The following LAMA2 variants were observed in gnomAD, a reference collection of about 807,000 sequenced individuals.
The protein encoded by LAMA2 is laminin subunit alpha 2, also known as laminin subunit alpha-2.
In LAMA2, 269 loss-of-function variants were observed where a neutral mutation model predicts 364.8. The observed-to-expected ratio is 0.74, with a 90% CI of 0.67 to 0.82. The LOEUF is 0.82. Ranked by LOEUF, LAMA2 falls within the 40% of genes least tolerant of loss-of-function variation. LAMA2 has a pLI of 0.00. For missense variants in LAMA2, 3,807 were observed against 3,873.2 expected (o/e 0.98, Z 0.45); for synonymous variants, 1,379 against 1,370.6 (o/e 1.01, Z -0.14).
At chr6:129,456,135 T>A (rs1292060201) in intron 47 of LAMA2, among the ~76,000 whole-genome samples, 200 bp from the exon 48 acceptor site, 1 of 152,142 alleles carries the variant, frequency 6.6e-6, no homozygotes, top group African/African-American at 2.4e-5. Context: ...ATGTAAGTGT[T>A]GAGCCAAGAT....
intron 12 of LAMA2, among the ~76,000 whole-genome samples, chr6:129,230,745 C>A (rs1784626298): frequency 6.6e-6 from 1 of 151,988 alleles, no homozygotes; most frequent in Non-Finnish European, 1.5e-5. Context: ...TCAGCAGTTG[C>A]AGGTACAGAG....
At position 128,892,990 on chromosome 6, in the gene LAMA2, G is replaced by A. The variant is rs192702103; in HGVS notation, c.112+9633G>A. On this transcript the variant is annotated intron_variant, in intron 1 of 64. Coordinates refer to ENST00000421865, the MANE Select transcript of LAMA2 (RefSeq NM_000426.4). ...CAGACAAAACACTTCTTAAAGGCCC[G>A]TTTACCATCAAAAAGTTTCAATCTT... Among the ~76,000 whole-genome samples, 23 of 151,906 alleles carry A rather than the reference G, an allele frequency of 1.5e-4. No individual in the cohort carries two copies. The East Asian group carries it at 2.1e-3, about 14-fold the overall frequency.
chr6:129,215,990 G>A (rs970043091), intron 12 of LAMA2, among the ~76,000 whole-genome samples: 2 of 152,122 alleles, frequency 1.3e-5, no homozygotes, highest in African/African-American at 4.8e-5. Flanking sequence ...ACAAATTTCT[G>A]TGTACTGATC....
At chr6:129,081,618 A>G (rs1015151984) in intron 3 of LAMA2, among the ~76,000 whole-genome samples, 3 of 152,200 alleles carry the variant, frequency 2.0e-5, no homozygotes, top group Non-Finnish European at 4.4e-5. Flanking sequence ...GAGAAAGATT[A>G]TCATTGGTCC....
Position 129,192,824 on chromosome 6 carries a change from A to C in LAMA2, c.1753A>C (p.Ser585Arg). ...RQALPHSYYWSAPAPYLGNKL... is the reference protein window; with the variant it reads ...RQALPHSYYWRAPAPYLGNKL... ...AGCCCTGCCGCACAGCTACTACTGG[A>C]GCGCGCCGGCTCCCTATCTGGGAAA... The change falls in exon 12 of 65, where the codon AGC (serine) becomes CGC (arginine). Residue 585 changes from serine to arginine, a missense_variant. By Grantham distance (110) the Ser-to-Arg change is moderately radical. Transcript: ENST00000421865. 2 of 1,614,088 alleles carry C rather than the reference A, an allele frequency of 1.2e-6. No homozygotes were observed. The highest frequency in any genetic ancestry group is 1.7e-6 in the Non-Finnish European group (2 of 1,179,980).
chr6:129,212,461 A>G (rs1159021014), intron 12 of LAMA2, among the ~76,000 whole-genome samples: 1 of 152,068 alleles, frequency 6.6e-6, no homozygotes, highest in South Asian at 2.1e-4. Flanking sequence ...TCAGTTTTAT[A>G]TGTTGAGAGT....
intron 58 of LAMA2, among the ~76,000 whole-genome samples, chr6:129,501,602 C>T (rs992341943): frequency 5.3e-5 from 8 of 152,188 alleles, no homozygotes; most frequent in African/African-American, 1.9e-4. Context: ...CAAAAGCCTG[C>T]CTTGGGCTGC....
intron 41 of LAMA2, among the ~76,000 whole-genome samples, chr6:129,432,040 G>C (rs1329136258): frequency 1.3e-5 from 2 of 152,182 alleles, no homozygotes; most frequent in Admixed American, 1.3e-4. Context: ...TACTCCTTTT[G>C]AATTTGCATA....
Position 128,929,514 on chromosome 6 carries a change from T to A in LAMA2, c.112+46157T>A, listed in dbSNP as rs1275125897. ...TATGGTATGCCGACCAGATCGATTC[T>A]GCTTGTACCTGTAGAGAAACTCCTG... On this transcript the variant is annotated intron_variant, in intron 1 of 64. Transcript: ENST00000421865. 1.1e-5 allele frequency: 10 copies of A among 870,104 alleles called. No individual in the cohort carries two copies. In the African/African-American group the frequency reaches 1.2e-4, roughly 10 times the overall value. The allele number at this position is 870,104 out of a possible 1,614,324, so 53.9% of individuals were successfully genotyped here. A position where few individuals can be genotyped will look rare whatever the true frequency, so the allele number is the denominator to read the frequency against.
chr6:129,324,028 C>T (rs1237647582), intron 28 of LAMA2, among the ~76,000 whole-genome samples: 2 of 152,196 alleles, frequency 1.3e-5, no homozygotes, highest in African/African-American at 4.8e-5. Flanking sequence ...ATAGTCTTAG[C>T]TACTTACATA....
At chr6:129,391,789 TATC>T (rs1562521139) in intron 36 of LAMA2, 136 bp downstream of exon 36, 3 of 691,824 alleles carry the variant, frequency 4.3e-6, no homozygotes, top group Admixed American at 2.5e-5. Context: ...CTATGTTATC[TATC>T]ATCTATCTAT....
chr6:129,051,859 A>G (rs1788067339), intron 2 of LAMA2, among the ~76,000 whole-genome samples: 1 of 151,800 alleles, frequency 6.6e-6, no homozygotes, highest in Non-Finnish European at 1.5e-5. Flanking sequence ...CATGAAGAAT[A>G]TGAGAAAGCC....
At chr6:129,407,350 T>A (rs1051884232) in intron 40 of LAMA2, among the ~76,000 whole-genome samples, 2 of 152,068 alleles carry the variant, frequency 1.3e-5, no homozygotes, top group African/African-American at 4.8e-5. Flanking sequence ...AATAATAACA[T>A]CATAATTATA....
At chr6:129,464,185 C>A in intron 49 of LAMA2, 105 bp from the exon 50 acceptor site, 2 of 977,982 alleles carry the variant, frequency 2.0e-6, no homozygotes. Context: ...TAGGGTATTT[C>A]CTGCCCTACA....
intron 62 of LAMA2, among the ~76,000 whole-genome samples, chr6:129,510,466 A>AGAT (rs1786482224): frequency 6.6e-6 from 1 of 152,184 alleles, no homozygotes; most frequent in Non-Finnish European, 1.5e-5. Flanking sequence ...ATGTACTTTA[A>AGAT]GATAGAATAT....
chr6:128,890,932 A>T (rs545143977), intron 1 of LAMA2, among the ~76,000 whole-genome samples: 1 of 152,240 alleles, frequency 6.6e-6, no homozygotes, highest in Admixed American at 6.5e-5. Flanking sequence ...TCTTCATAAA[A>T]ACATTTAAAG....
intron 29 of LAMA2, among the ~76,000 whole-genome samples, chr6:129,341,028 C>T (rs1278238556): frequency 1.3e-5 from 2 of 152,024 alleles, no homozygotes; most frequent in Non-Finnish European, 2.9e-5. Flanking sequence ...AGTTTCACTG[C>T]AAGAAATAGC....
In LAMA2 at chr6:129,049,822, G is replaced by A. The variant is rs1263427810; in HGVS notation, c.113-96G>A. 8.3e-6 allele frequency: 9 copies of A among 1,079,768 alleles called. No individual in the cohort carries two copies. The Admixed American group carries it at 1.4e-4, about 17-fold the overall frequency. 66.9% of individuals were successfully genotyped at this position (1,079,768 alleles called of 1,614,324 possible). ...TTATCTCATGTTGGGTTACTTTAAT[G>A]CTCCGAAAAATATTTTATCTCAATT... is the stretch of plus-strand genomic sequence containing the variant. On this transcript the variant is annotated intron_variant, in intron 1 of 64. Coordinates refer to ENST00000421865, the MANE Select transcript of LAMA2 (RefSeq NM_000426.4).
intron 6 of LAMA2, among the ~76,000 whole-genome samples, chr6:129,148,299 A>G (rs1778592903): frequency 6.6e-6 from 1 of 152,176 alleles, no homozygotes; most frequent in Non-Finnish European, 1.5e-5. Flanking sequence ...TGAGAGCTAA[A>G]CAATGAGAAC....
Sources: allele counts gnomAD v4.1 joint callset (sites outside exome capture counted in the v4.1 genomes callset), GRCh38; gene constraint gnomAD v4.1.1; transcripts MANE v1.5; gene names NCBI Gene and HGNC (gene_info 2026-07-23, HGNC 2026-07-21).